Variants in ESM1 observed in about 807,000 individuals in gnomAD.
ESM1 encodes the protein endothelial cell-specific molecule 1.
ESM1 carries 7 observed loss-of-function variants against 14.9 expected under a neutral mutation model. The ratio of observed to expected loss-of-function variants is 0.47; its 90% confidence interval spans 0.27 to 0.88. The LOEUF (loss-of-function observed/expected upper bound fraction) is 0.88, where lower values mean the gene tolerates loss of function less well. Ranked by LOEUF, ESM1 falls within the 40% of genes least tolerant of loss-of-function variation. The pLI, the probability that ESM1 is intolerant of heterozygous loss-of-function variation, is 0.14. For missense variants in ESM1, 192 were observed against 237.9 expected, an observed-to-expected ratio of 0.81 and a Z score of 1.27; for synonymous variants, 89 against 89.4, an observed-to-expected ratio of 1.00 and a Z score of 0.02.
At chr5:54,980,291 T>TG (rs950242427) in intron 2 of ESM1, among the ~76,000 whole-genome samples, 1 of 152,228 alleles carries the variant, frequency 6.6e-6, no homozygotes, top group African/African-American at 2.4e-5. Flanking sequence ...GCTCGTGCTC[T>TG]GGGGGTCCTA....
Position 54,978,781 on chromosome 5 carries a change from T to G in ESM1, c.*551A>C. On this transcript the variant is annotated 3_prime_UTR_variant, in exon 3 of 3. Coordinates refer to ENST00000381405, the MANE Select transcript of ESM1 (RefSeq NM_007036.5). ...TTTCCATAAGCTTCAAACATCTTAC[T>G]TCCTTCAGGGGTTTTCTGGTTGTTT... 1 of 152,208 alleles carries G rather than the reference T, an allele frequency of 6.6e-6. No individual in the cohort carries two copies. The highest frequency in any genetic ancestry group is 2.1e-4 in the South Asian group (1 of 4,788). The allele number at this position is 152,208 out of a possible 1,614,324, so 9.4% of individuals were successfully genotyped here. A position where few individuals can be genotyped will look rare whatever the true frequency, so the allele number is the denominator to read the frequency against.
At chr5:54,982,944 G>A (rs1740421858) in intron 1 of ESM1, among the ~76,000 whole-genome samples, 1 of 152,032 alleles carries the variant, frequency 6.6e-6, no homozygotes, top group African/African-American at 2.4e-5. Flanking sequence ...TATTTAAAAT[G>A]CATAAAATTA....
rs80100085 is a variant in ESM1, at chr5:54,981,564, C to G, written c.451+433G>C. Among the ~76,000 whole-genome samples the G allele has an allele frequency of 7.5e-3, 1,147 of 152,260 alleles. 13 individuals carry two copies. Among genetic ancestry groups the G allele is most frequent in the African/African-American group, 0.026 (1,100 of 41,546 alleles). On this transcript the variant is annotated intron_variant, in intron 2 of 2. Transcript: ENST00000381405. ...AAAAAAAAGAAACGTTCTATATTTTCTATCTTGACTCTTAAAGCTTATCCA... is the reference window on the plus strand; with the variant it reads ...AAAAAAAAGAAACGTTCTATATTTTGTATCTTGACTCTTAAAGCTTATCCA...
rs554266869 is a variant in ESM1, at chr5:54,979,182, C to G, written c.*150G>C. ...ATGGATGTTATGGATTGTAAGTATCCTACTTTTTGTTTTCTGGATCCACCA... is the reference window on the plus strand; with the variant it reads ...ATGGATGTTATGGATTGTAAGTATCGTACTTTTTGTTTTCTGGATCCACCA... On this transcript the variant is annotated 3_prime_UTR_variant, in exon 3 of 3. Transcript: ENST00000381405. The G allele has an allele frequency of 1.6e-6, 1 of 631,606 alleles. No individual in the cohort carries two copies. Among genetic ancestry groups the G allele is most frequent in the African/African-American group, 1.8e-5 (1 of 55,000 alleles). The allele number at this position is 631,606 out of a possible 1,614,324, so 39.1% of individuals were successfully genotyped here.
At chr5:54,982,746 T>C (rs959239152) in intron 1 of ESM1, among the ~76,000 whole-genome samples, 1 of 152,058 alleles carries the variant, frequency 6.6e-6, no homozygotes. Flanking sequence ...ACTCCCTCAG[T>C]AGTTAAGAGG....
chr5:54,978,343 A>T lies in ESM1; in HGVS notation c.*989T>A, dbSNP rs897686926. Reference sequence around the variant, plus strand: ...TTTGACATTTTTGAAATCCAGAGTGACTCTGTTTTTCTTATGCTTATTAAG... The same window carrying T: ...TTTGACATTTTTGAAATCCAGAGTGTCTCTGTTTTTCTTATGCTTATTAAG... On this transcript the variant is annotated 3_prime_UTR_variant, in exon 3 of 3. Transcript: ENST00000381405. The T allele has an allele frequency of 2.6e-5, 4 of 151,862 alleles. No individual in the cohort carries two copies. The highest frequency in any genetic ancestry group is 7.3e-5 in the African/African-American group (3 of 41,304). 9.4% of individuals were successfully genotyped at this position (151,862 alleles called of 1,614,324 possible).
At position 54,979,197 on chromosome 5, in the gene ESM1, T is replaced by C; in HGVS notation, c.*135A>G. On this transcript the variant is annotated 3_prime_UTR_variant, in exon 3 of 3. Transcript: ENST00000381405. ...TGTAAGTATCCTACTTTTTGTTTTC[T>C]GGATCCACCATGCATCACATTTGGT... 1.5e-6 allele frequency: 1 copy of C among 668,246 alleles called. No individual in the cohort carries two copies. The highest frequency in any genetic ancestry group is 1.8e-5 in the South Asian group (1 of 54,652). 41.4% of individuals were successfully genotyped at this position (668,246 alleles called of 1,614,324 possible).
chr5:54,985,123 C>T, intron 1 of ESM1, 94 bp downstream of exon 1: 1 of 1,165,096 alleles, frequency 8.6e-7, no homozygotes, highest in Non-Finnish European at 1.2e-6. Context: ...CCTTTTCCCT[C>T]TTACTCTTGA....
At chr5:54,983,905 T>C (rs1439171067) in intron 1 of ESM1, among the ~76,000 whole-genome samples, 1 of 152,214 alleles carries the variant, frequency 6.6e-6, no homozygotes, top group South Asian at 2.1e-4. Flanking sequence ...TTTCCTTATG[T>C]GAAGTACTGT....
chr5:54,984,247 T>G (rs1322944722), intron 1 of ESM1, among the ~76,000 whole-genome samples: 2 of 152,062 alleles, frequency 1.3e-5, no homozygotes, highest in Non-Finnish European at 2.9e-5. Flanking sequence ...ATTTAGAAAT[T>G]TCTCAGTCCT....
At chr5:54,981,928 A>T in intron 2 of ESM1, 69 bp downstream of exon 2, 2 of 1,441,334 alleles carry the variant, frequency 1.4e-6, no homozygotes, top group Non-Finnish European at 1.9e-6. Flanking sequence ...CTACTCACAG[A>T]TATTTTCTAA....
chr5:54,985,426 T>G lies in ESM1; in HGVS notation c.92A>C (p.His31Pro). The change falls in exon 1 of 3, where the codon CAC (histidine) becomes CCC (proline). Residue 31 changes from histidine (H) to proline (P), a missense_variant. Transcript: ENST00000381405. ...SNNYAVDCPQHCDSSECKSSP... is the reference protein window; with the variant it reads ...SNNYAVDCPQPCDSSECKSSP... The stretch of plus-strand genomic sequence containing the variant: ...GCTTTTGCACTCACTGCTGTCACAG[T>G]GTTGAGGGCAGTCCACCGCATAATT... The G allele has an allele frequency of 6.2e-7, 1 of 1,614,108 alleles. No individual in the cohort carries two copies. Among genetic ancestry groups the G allele is most frequent in the South Asian group, 1.1e-5 (1 of 91,082 alleles).
Position 54,979,368 on chromosome 5 carries a change from C to T in ESM1, c.519G>A (p.Gly173=), listed in dbSNP as rs774807270. The change falls in exon 3 of 3, where the codon GGG becomes GGA. Residue 173 remains glycine (G), a synonymous_variant. Coordinates refer to ENST00000381405, the MANE Select transcript of ESM1 (RefSeq NM_007036.5). ...TTAACCATTTCCTCATTACGGGAGA[C>T]CCGGCAGCATTCTCTTTCACAACTT... The part of the protein sequence containing the change: ...REEVVKENAA[G]SPVMRKWLNP... 3 of 1,613,854 alleles carry T rather than the reference C, an allele frequency of 1.9e-6. No individual in the cohort carries two copies. The highest frequency in any genetic ancestry group is 1.3e-5 in the African/African-American group (1 of 75,006).
chr5:54,981,266 C>A (rs1424425201), intron 2 of ESM1, among the ~76,000 whole-genome samples: 1 of 152,112 alleles, frequency 6.6e-6, no homozygotes, highest in African/African-American at 2.4e-5. Flanking sequence ...ATGTATGTTG[C>A]TTTAAATGAG....
rs1744066258 is a variant in ESM1, at chr5:54,982,162, A to T, written c.302-16T>A. 5 of 1,612,804 alleles carry T rather than the reference A, an allele frequency of 3.1e-6. No homozygotes were observed. The highest frequency in any genetic ancestry group is 4.2e-6 in the Non-Finnish European group (5 of 1,179,318). ...TAGGGACAGTCTGGGGACAAAGGAA[A>T]GGTTGGAGAGGACGCTGCTTGTTGT... On this transcript the variant is annotated splice_polypyrimidine_tract_variant and intron_variant, in intron 1 of 2. Coordinates refer to ENST00000381405, the MANE Select transcript of ESM1 (RefSeq NM_007036.5).
rs1273494137 is a variant in ESM1 at position 54,978,224 on chromosome 5, A to T, written c.*1108T>A. 1 of 152,190 alleles carries T rather than the reference A, an allele frequency of 6.6e-6. No homozygotes were observed. Among genetic ancestry groups the T allele is most frequent in the Non-Finnish European group, 1.5e-5 (1 of 68,024 alleles). The allele number at this position is 152,190 out of a possible 1,614,324, so 9.4% of individuals were successfully genotyped here. ...TCTGCTGAAAATTGATTCTTCTTTTACAAACCTCCTAAAAACTTATTTTCT... is the reference window on the plus strand; with the variant it reads ...TCTGCTGAAAATTGATTCTTCTTTTTCAAACCTCCTAAAAACTTATTTTCT... On this transcript the variant is annotated 3_prime_UTR_variant, in exon 3 of 3. Transcript: ENST00000381405.
intron 1 of ESM1, among the ~76,000 whole-genome samples, chr5:54,982,688 T>C (rs1423703002): frequency 6.6e-6 from 1 of 152,196 alleles, no homozygotes; most frequent in East Asian, 1.9e-4. Context: ...GCTCCAACCC[T>C]TATCAAGTTC....
At chr5:54,984,155 G>A (rs1036770069) in intron 1 of ESM1, among the ~76,000 whole-genome samples, 1 of 151,984 alleles carries the variant, frequency 6.6e-6, no homozygotes, top group Admixed American at 6.5e-5. Flanking sequence ...TGTCTAAGAA[G>A]TAGGAGAATT....
At chr5:54,984,851 CT>C (rs1393810938) in intron 1 of ESM1, among the ~76,000 whole-genome samples, 1 of 152,190 alleles carries the variant, frequency 6.6e-6, no homozygotes, top group Non-Finnish European at 1.5e-5. Context: ...TAGTGCAGAC[CT>C]TTGTAATCGC....
Sources: gnomAD v4.1 joint callset for allele counts (sites outside exome capture counted in the v4.1 genomes callset) on GRCh38, gnomAD v4.1.1 for gene constraint, MANE v1.5 for transcripts, NCBI Gene and HGNC (gene_info 2026-07-23, HGNC 2026-07-21) for gene names.